TFR2: variants seen among roughly 807,000 people sequenced by gnomAD.
TFR2 encodes the protein transferrin receptor protein 2.
Under a neutral mutation model 91.9 loss-of-function variants are expected in TFR2, and 64 were observed. The ratio of observed to expected loss-of-function variants is 0.70; its 90% CI spans 0.57 to 0.86. TFR2 has a LOEUF of 0.86. Ranked by LOEUF, TFR2 falls within the 40% of genes least tolerant of loss-of-function variation. The pLI, the probability that TFR2 is intolerant of heterozygous loss-of-function variation, is 0.00. For synonymous variants in TFR2, 454 were observed against 459.6 expected (o/e 0.99, Z 0.15); for missense variants, 950 against 1,080.5 (o/e 0.88, Z 1.69).
chr7:100,621,692 C>T (rs1033935027), intron 17 of TFR2, among the ~76,000 whole-genome samples: 5 of 152,204 alleles, frequency 3.3e-5, no homozygotes, highest in African/African-American at 4.8e-5. Context: ...CACCTCCCCA[C>T]ACCGAGTCAT....
At chr7:100,635,901 C>G (rs530131391) in intron 3 of TFR2, among the ~76,000 whole-genome samples, 4 of 152,110 alleles carry the variant, frequency 2.6e-5, no homozygotes, top group Non-Finnish European at 5.9e-5. Context: ...CTGAGCCTCA[C>G]ATCCTTTGCT....
chr7:100,631,081 A>C lies in TFR2; in HGVS notation c.1107-29T>G, dbSNP rs775124231. On this transcript the variant is annotated intron_variant, in intron 8 of 17. Coordinates refer to ENST00000223051, the MANE Select transcript of TFR2 (RefSeq NM_003227.4). ...GAGAGGAGGAAGGCAGAAAGGGGGA[A>C]GTTGTAGAGAGACCCAGAAGAGTCC... The C allele has an allele frequency of 2.0e-6, 3 of 1,518,198 alleles. No homozygotes were observed. The African/African-American group carries it at 4.2e-5, about 21-fold the overall frequency. 94.0% of individuals were successfully genotyped at this position (1,518,198 alleles called of 1,614,324 possible).
At chr7:100,638,026 CAG>C (rs1271567529) in intron 3 of TFR2, among the ~76,000 whole-genome samples, 1 of 151,090 alleles carries the variant, frequency 6.6e-6, no homozygotes, top group Admixed American at 6.6e-5. Context: ...TTTTTTGAGA[CAG>C]AGTCTTGCTC....
At chr7:100,623,259 G>T (rs910306695) in intron 17 of TFR2, among the ~76,000 whole-genome samples, 1 of 152,336 alleles carries the variant, frequency 6.6e-6, no homozygotes, top group South Asian at 2.1e-4. Context: ...GTGACAGAGC[G>T]AGACTCCGTC....
In TFR2 at chr7:100,628,226, CT is replaced by C. The variant is rs2131313576; in HGVS notation, c.1470del (p.Glu491ArgfsTer12). ...ACCTGCCCGGGACCCCGTATCACCT[CT>C]AGCCACTCCGTGGAGCCCACGCTTC... is the stretch of plus-strand genomic sequence containing the variant. ...DFGSVGSTEW[L>X]EGYLSVLHLK... On this transcript the variant is annotated frameshift_variant, in exon 11 of 18. Coordinates refer to ENST00000223051, the MANE Select transcript of TFR2 (RefSeq NM_003227.4). LOFTEE classifies it high-confidence loss of function. 1.2e-6 allele frequency: 2 copies of C among 1,613,796 alleles called. No homozygotes were observed. Among genetic ancestry groups the C allele is most frequent in the South Asian group, 2.2e-5 (2 of 91,068 alleles).
chr7:100,629,052 C>T (rs1009158465), intron 10 of TFR2, among the ~76,000 whole-genome samples: 5 of 152,302 alleles, frequency 3.3e-5, no homozygotes, highest in Non-Finnish European at 5.9e-5. Flanking sequence ...CGTGAGCTAC[C>T]GCACCCGGCC....
intron 5 of TFR2, 29 bp downstream of exon 5, chr7:100,633,200 C>T (rs2131320358): frequency 1.9e-6 from 3 of 1,613,388 alleles, no homozygotes; most frequent in Admixed American, 1.7e-5. Context: ...TGCCGCGCCC[C>T]ATCCTAGGAG....
At chr7:100,631,568 G>GGTGT in intron 8 of TFR2, 2 of 434,678 alleles carry the variant, frequency 4.6e-6, no homozygotes, top group Admixed American at 3.8e-5. Flanking sequence ...AGGTTGCAGT[G>GGTGT]AGCCAAGATT....
chr7:100,638,361 C>T lies in TFR2; in HGVS notation c.473+2325G>A, dbSNP rs142034684. 3.6e-3 allele frequency among the ~76,000 whole-genome samples: 545 copies of T among 152,008 alleles called. 6 individuals are homozygous for T. Among genetic ancestry groups the T allele is most frequent in the African/African-American group, 0.013 (524 of 41,474 alleles). The stretch of plus-strand genomic sequence containing the variant: ...GTGCGGTACCTCATTCCTATAATCC[C>T]AGCATTTTGGGAGGCTGAGGTGGGA... On this transcript the variant is annotated intron_variant, in intron 3 of 17. Transcript: ENST00000223051.
rs41303516 is a variant in TFR2 at position 100,628,406 on chromosome 7, GTCTC to G, written c.1391-104_1391-101del. The G allele has an allele frequency of 2.0e-5, 23 of 1,171,302 alleles. No individual in the cohort carries two copies. In the African/African-American group the frequency reaches 3.4e-4, roughly 17 times the overall value. 72.6% of individuals were successfully genotyped at this position (1,171,302 alleles called of 1,614,324 possible). A position where few individuals can be genotyped will look rare whatever the true frequency, so the allele number is the denominator to read the frequency against. ...GGTCCCCCAGGGTCTCTGTTTCTCT[GTCTC>G]TCTCTCTGAGACAGGATCTCACTCT... On this transcript the variant is annotated intron_variant, in intron 10 of 17. Transcript: ENST00000223051.
chr7:100,641,026 C>G lies in TFR2; in HGVS notation c.236G>C (p.Arg79Pro). 1 of 1,601,730 alleles carries G rather than the reference C, an allele frequency of 6.2e-7. No individual in the cohort carries two copies. The highest frequency in any genetic ancestry group is 8.5e-7 in the Non-Finnish European group (1 of 1,173,066). Residue 79 changes from arginine to proline, a missense_variant, in exon 2 of 18, where the codon CGG (arginine) becomes CCG (proline). Arg to Pro is a moderately radical substitution (Grantham distance 103). Coordinates refer to ENST00000223051, the MANE Select transcript of TFR2 (RefSeq NM_003227.4). ...CAGGACCAGGTAGGGGGCAGCCCTC[C>G]GTCCTGCTGCCGCCCAGGGAATGAG... Reference protein sequence around the residue: ...PNLIPWAAAGRRAAPYLVLTA... With the variant: ...PNLIPWAAAGPRAAPYLVLTA...
In TFR2 at chr7:100,641,037, C is replaced by T. The variant is rs148140889; in HGVS notation, c.225G>A (p.Ala75=). ...AGGGGGCAGCCCTCCGTCCTGCTGC[C>T]GCCCAGGGAATGAGGTTTGGCTGCC... ...RPRQPNLIPW[A]AAGRRAAPYL... The change falls in exon 2 of 18, where the codon GCG becomes GCA. Residue 75 remains alanine, a synonymous_variant. Transcript: ENST00000223051. 1.4e-4 allele frequency: 224 copies of T among 1,601,676 alleles called. No individual in the cohort carries two copies. In the African/African-American group the frequency reaches 2.6e-3, roughly 19 times the overall value.
At chr7:100,640,128 G>A (rs1394619611) in intron 3 of TFR2, 1 of 155,786 alleles carries the variant, frequency 6.4e-6, no homozygotes, top group African/African-American at 2.4e-5. Flanking sequence ...CTCCCAGGCT[G>A]GAGTGCAGTG....
chr7:100,629,560 G>GCCT (rs1378603233), intron 9 of TFR2, among the ~76,000 whole-genome samples, 188 bp from the exon 10 acceptor site: 1 of 152,070 alleles, frequency 6.6e-6, no homozygotes, highest in African/African-American at 2.4e-5. Flanking sequence ...TCAGCTGGGT[G>GCCT]CCTGAGGTCA....
At chr7:100,622,925 C>T (rs950327621) in intron 17 of TFR2, among the ~76,000 whole-genome samples, 1 of 151,228 alleles carries the variant, frequency 6.6e-6, no homozygotes, top group African/African-American at 2.4e-5. Context: ...TGCCACTGCC[C>T]TCCAGCCTGG....
intron 6 of TFR2, among the ~76,000 whole-genome samples, chr7:100,632,502 T>TTTCC (rs1235160581): frequency 4.0e-5 from 6 of 151,206 alleles, no homozygotes; most frequent in East Asian, 3.9e-4. Flanking sequence ...CAGCCAACAT[T>TTTCC]TTCCTTCCTT....
chr7:100,635,846 C>A (rs1048498528), intron 3 of TFR2, among the ~76,000 whole-genome samples: 2 of 152,128 alleles, frequency 1.3e-5, no homozygotes, highest in African/African-American at 4.8e-5. Flanking sequence ...GATCCTCCCA[C>A]CTCAGCCTCC....
chr7:100,626,598 G>T, intron 17 of TFR2, 165 bp downstream of exon 17: 1 of 1,438,040 alleles, frequency 7.0e-7, no homozygotes, highest in Middle Eastern at 2.6e-4. Flanking sequence ...CAGCCTGACC[G>T]ATCTATGAGC....
In TFR2 at chr7:100,627,657, G is replaced by A. The variant is rs531726662; in HGVS notation, c.1687C>T (p.Arg563Trp). ...GCACTGCTGTCCATGGGTAGGGGCCGGATCCTGGGGGCAGGTGGGTTGGAG... is the reference window on the plus strand; with the variant it reads ...GCACTGCTGTCCATGGGTAGGGGCCAGATCCTGGGGGCAGGTGGGTTGGAG... Reference protein sequence around the residue: ...TNPSWDAEVIRPLPMDSSAYS... With the variant: ...TNPSWDAEVIWPLPMDSSAYS... The change falls in exon 15 of 18, where the codon CGG becomes TGG. Residue 563 changes from arginine to tryptophan, a missense_variant. Physicochemically the swap from Arg to Trp is moderately radical, Grantham distance 101. Transcript: ENST00000223051. The A allele has an allele frequency of 5.6e-6, 9 of 1,614,118 alleles. No individual in the cohort carries two copies. The highest frequency in any genetic ancestry group is 2.7e-5 in the African/African-American group (2 of 75,014).
Sources: allele counts gnomAD v4.1 joint callset (sites outside exome capture counted in the v4.1 genomes callset), GRCh38; gene constraint gnomAD v4.1.1; transcripts MANE v1.5; gene names NCBI Gene and HGNC (gene_info 2026-07-23, HGNC 2026-07-21).